AFF4: variants seen among roughly 807,000 people sequenced by gnomAD.
The protein encoded by AFF4 is AF4/FMR2 family member 4.
A neutral mutation model predicts 124.8 loss-of-function variants in AFF4; 13 were observed. The observed-to-expected ratio is 0.10, with a 90% CI of 0.07 to 0.17. AFF4 has a LOEUF of 0.17. AFF4 is among the 10% of genes least tolerant of loss of function. The pLI, the probability that AFF4 is intolerant of heterozygous loss-of-function variation, is 1.00. For synonymous variants in AFF4, 477 were observed against 496.1 expected (o/e 0.96, Z 0.51); for missense variants, 1,092 against 1,403.8 (o/e 0.78, Z 3.55).
At chr5:132,916,277 A>G (rs1191656153) in intron 5 of AFF4, among the ~76,000 whole-genome samples, 1 of 150,128 alleles carries the variant, frequency 6.7e-6, no homozygotes, top group African/African-American at 2.4e-5. Context: ...GAATCACTTA[A>G]GCAGGACAGT....
intron 1 of AFF4, among the ~76,000 whole-genome samples, chr5:132,949,745 C>CCGGCTACT (rs1348963136): frequency 6.6e-6 from 1 of 151,432 alleles, no homozygotes; most frequent in East Asian, 1.9e-4. Context: ...GCCCGCAGTC[C>CCGGCTACT]CGGCTACTCG....
rs549140054 is a variant in AFF4 at position 132,901,473 on chromosome 5, T to C, written c.1133+969A>G. Among the ~76,000 whole-genome samples, 11 of 152,350 alleles carry C rather than the reference T, an allele frequency of 7.2e-5. No individual in the cohort carries two copies. In the South Asian group the frequency reaches 1.2e-3, roughly 17 times the overall value. Reference sequence around the variant, plus strand: ...CACAGTATAGTCTGTGACTATGGCATAGAAAGCTGGCACTGTAGTCACTGC... The same window carrying C: ...CACAGTATAGTCTGTGACTATGGCACAGAAAGCTGGCACTGTAGTCACTGC... On this transcript the variant is annotated intron_variant, in intron 7 of 20. Transcript: ENST00000265343.
In AFF4 at chr5:132,896,848, G is replaced by C. The variant is rs938998263; in HGVS notation, c.1782C>G (p.Ser594Arg). Reference protein sequence around the residue: ...IESETPVDLASSMPSSRHKAA... With the variant: ...IESETPVDLARSMPSSRHKAA... ...CTTTGTGTCTGCTGGAGGGCATGCT[G>C]CTAGCCAAGTCTACAGGGGTTTCAC... Residue 594 changes from serine to arginine, a missense_variant, in exon 11 of 21, where the codon AGC (serine) becomes AGG (arginine). Physicochemically the swap from Ser to Arg is moderately radical, Grantham distance 110 (BLOSUM62 -1). Coordinates refer to ENST00000265343, the MANE Select transcript of AFF4 (RefSeq NM_014423.4). 2 of 1,614,008 alleles carry C rather than the reference G, an allele frequency of 1.2e-6. No individual in the cohort carries two copies. Among genetic ancestry groups the C allele is most frequent in the Admixed American group, 1.7e-5 (1 of 59,980 alleles).
chr5:132,887,610 C>T lies in AFF4; in HGVS notation c.2934-18G>A, dbSNP rs1760148130. The T allele has an allele frequency of 6.3e-7, 1 of 1,599,962 alleles. No homozygotes were observed. Among genetic ancestry groups the T allele is most frequent in the Admixed American group, 1.7e-5 (1 of 59,918 alleles). ...TAGTGTATCTGTTGAGTTACAATAA[C>T]AAACAAATGACAAACAGAATACTTC... On this transcript the variant is annotated intron_variant, in intron 16 of 20. Coordinates refer to ENST00000265343, the MANE Select transcript of AFF4 (RefSeq NM_014423.4).
In AFF4 at chr5:132,934,756, A is replaced by T. The variant is rs774544849; in HGVS notation, c.309T>A (p.His103Gln). ...CTACTGGAGTCCATTTGCTACTCTG[A>T]TGAGAGCCTCCATGTCTCTGTTCAA... ...NFFEQRHGGS[H>Q]QSSKWTPVGP... is the part of the protein sequence containing the mutation. Residue 103 changes from histidine to glutamine, a missense_variant, in exon 3 of 21, where the codon CAT (histidine) becomes CAA (glutamine). Around this residue, in one of 11 missense-constraint regions of AFF4, gnomAD observed 188 missense variants for 203.0 expected, o/e 0.93. Transcript: ENST00000265343. 1.6e-5 allele frequency: 26 copies of T among 1,614,086 alleles called. No homozygotes were observed. Among genetic ancestry groups the T allele is most frequent in the Non-Finnish European group, 2.2e-5 (26 of 1,180,020 alleles).
chr5:132,932,105 T>C, intron 4 of AFF4, 73 bp downstream of exon 4: 1 of 1,062,218 alleles, frequency 9.4e-7, no homozygotes. Context: ...GAAATACAGG[T>C]AGAAAGAGGG....
At position 132,896,703 on chromosome 5, in the gene AFF4, T is replaced by C. The variant is rs143974944; in HGVS notation, c.1927A>G (p.Ile643Val). The part of the protein sequence containing the change: ...TSKSSQKSRE[I>V]IETDTSSSDS... The stretch of plus-strand genomic sequence containing the variant: ...GAGGATGAGGTATCTGTTTCTATGA[T>C]TTCCCTTGATTTCTGGGAAGATTTA... The change falls in exon 11 of 21, where the codon ATC becomes GTC. Residue 643 changes from isoleucine (I) to valine (V), a missense_variant. This residue lies in a region of AFF4 where 174 missense variants were observed against 205.9 expected (regional missense o/e 0.84). Transcript: ENST00000265343. 9.6e-5 allele frequency: 155 copies of C among 1,614,208 alleles called. No individual in the cohort carries two copies. In the African/African-American group the frequency reaches 1.9e-3, roughly 20 times the overall value.
At position 132,884,390 on chromosome 5, in the gene AFF4, C is replaced by T. The variant is rs868145108; in HGVS notation, c.3143+686G>A. Among the ~76,000 whole-genome samples, 13 of 152,170 alleles carry T rather than the reference C, an allele frequency of 8.5e-5. No homozygotes were observed. The East Asian group carries it at 1.2e-3, about 14-fold the overall frequency. On this transcript the variant is annotated intron_variant, in intron 19 of 20. Coordinates refer to ENST00000265343, the MANE Select transcript of AFF4 (RefSeq NM_014423.4). ...GAGTAGCTAGGATTACAGGCGCGCACGACACCACACCCGGCTAATTTTTGT... is the reference window on the plus strand; with the variant it reads ...GAGTAGCTAGGATTACAGGCGCGCATGACACCACACCCGGCTAATTTTTGT...
Position 132,892,374 on chromosome 5 carries a change from C to A in AFF4, c.2427G>T (p.Lys809Asn). ...GCCCAGCGGGAGAAGGCAACAAATC[C>A]TTTTCTTTTGCAGCACTCTGCTTAG... ...ESSKQSAAKE[K>N]DLLPSPAGPV... is the part of the protein sequence containing the mutation. The change falls in exon 13 of 21, where the codon AAG becomes AAT. Residue 809 changes from lysine (K) to asparagine (N), a missense_variant. By Grantham distance (94) the Lys-to-Asn change is moderately conservative (BLOSUM62 0). Coordinates refer to ENST00000265343, the MANE Select transcript of AFF4 (RefSeq NM_014423.4). 6.2e-7 allele frequency: 1 copy of A among 1,613,640 alleles called. No homozygotes were observed. The highest frequency in any genetic ancestry group is 8.5e-7 in the Non-Finnish European group (1 of 1,179,646).
chr5:132,893,219 A>G (rs1760307261), intron 11 of AFF4, 101 bp from the exon 12 acceptor site: 2 of 910,248 alleles, frequency 2.2e-6, no homozygotes, highest in Non-Finnish European at 3.6e-6. Context: ...AGGCATCAGA[A>G]AGAAGATAAA....
At chr5:132,946,994 T>G (rs534989859) in intron 1 of AFF4, among the ~76,000 whole-genome samples, 1 of 152,022 alleles carries the variant, frequency 6.6e-6, no homozygotes, top group South Asian at 2.1e-4. Context: ...GAAGCAGAGG[T>G]TGCAGTGAGC....
At chr5:132,887,244 AAG>A (rs1561479784) in intron 17 of AFF4, among the ~76,000 whole-genome samples, 1 of 152,228 alleles carries the variant, frequency 6.6e-6, no homozygotes, top group Non-Finnish European at 1.5e-5. Context: ...GTACCAAATG[AAG>A]AGTGTGGAAA....
At chr5:132,938,966 C>A (rs902664930) in intron 1 of AFF4, among the ~76,000 whole-genome samples, 312 of 69,340 alleles carry the variant, frequency 4.5e-3, no homozygotes, top group Middle Eastern at 0.013. Context: ...AAAAAAAAGG[C>A]AATTTAATGT....
chr5:132,946,710 TTGA>T (rs1761704897), intron 1 of AFF4, among the ~76,000 whole-genome samples: 1 of 152,154 alleles, frequency 6.6e-6, no homozygotes, highest in Admixed American at 6.6e-5. Context: ...ACAGACAGTA[TTGA>T]TGATTGTACA....
At chr5:132,888,010 G>T (rs1336064619) in intron 15 of AFF4, 28 bp from the exon 16 acceptor site, 1 of 1,612,168 alleles carries the variant, frequency 6.2e-7, no homozygotes, top group African/African-American at 1.3e-5. Context: ...CAAGTAATGA[G>T]TAATGATCTA....
intron 5 of AFF4, among the ~76,000 whole-genome samples, chr5:132,921,882 G>A (rs1413946283): frequency 6.6e-6 from 1 of 151,540 alleles, no homozygotes; most frequent in African/African-American, 2.4e-5. Context: ...CTGCAGTCAA[G>A]CAATCCTCCC....
rs113657427 is a variant in AFF4, at chr5:132,884,788, A to G, written c.3143+288T>C. On this transcript the variant is annotated intron_variant, in intron 19 of 20. Coordinates refer to ENST00000265343, the MANE Select transcript of AFF4 (RefSeq NM_014423.4). ...TCTGACTAAAGATAAGCCTGCTGTG[A>G]TAAGTCCAAGTAACTATGGAAATCA... Among the ~76,000 whole-genome samples the G allele has an allele frequency of 8.9e-4, 135 of 152,346 alleles. 1 individual carries two copies. The highest frequency in any genetic ancestry group is 2.9e-3 in the African/African-American group (122 of 41,586).
chr5:132,899,013 A>G (rs1581280822), intron 9 of AFF4, 91 bp downstream of exon 9: 2 of 1,144,700 alleles, frequency 1.7e-6, no homozygotes, highest in East Asian at 4.7e-5. Flanking sequence ...CAAAATTAAT[A>G]TTTACTTATA....
Position 132,876,673 on chromosome 5 carries a change from A to G in AFF4, c.*4386T>C, listed in dbSNP as rs1191849381. Reference sequence around the variant, plus strand: ...CTTATTCTGTGACCAAATTACATGAAAAGAAGATACATAGTTATTATTTCC... The same window carrying G: ...CTTATTCTGTGACCAAATTACATGAGAAGAAGATACATAGTTATTATTTCC... On this transcript the variant is annotated 3_prime_UTR_variant, in exon 21 of 21. Transcript: ENST00000265343. 7 of 198,236 alleles carry G rather than the reference A, an allele frequency of 3.5e-5. No individual in the cohort carries two copies. Among genetic ancestry groups the G allele is most frequent in the Non-Finnish European group, 6.3e-5 (6 of 95,818 alleles). 12.3% of individuals were successfully genotyped at this position (198,236 alleles called of 1,614,324 possible).
Sources: gnomAD v4.1 joint callset for allele counts (sites outside exome capture counted in the v4.1 genomes callset) on GRCh38, gnomAD v4.1.1 for gene constraint, gnomAD v4.1.1 regional missense constraint, MANE v1.5 for transcripts, NCBI Gene and HGNC (gene_info 2026-07-23, HGNC 2026-07-21) for gene names.